Variants in P4HTM observed in about 807,000 individuals in gnomAD.
The protein encoded by P4HTM is prolyl 4-hydroxylase, transmembrane.
P4HTM carries 33 observed loss-of-function variants against 55.3 expected under a neutral mutation model. That is an observed-to-expected ratio of 0.60 (90% CI 0.45 to 0.80). The LOEUF is 0.80. Ranked by LOEUF, P4HTM falls within the 30% of genes least tolerant of loss-of-function variation. The pLI is 0.00. For missense variants in P4HTM, 542 were observed against 696.5 expected (o/e 0.78, Z 2.50); for synonymous variants, 272 against 286.4 (o/e 0.95, Z 0.51).
rs1576607804 is a variant in P4HTM, at chr3:49,003,887, G to A, written c.725-211G>A. On this transcript the variant is annotated intron_variant, in intron 4 of 8. Coordinates refer to ENST00000383729, the MANE Select transcript of P4HTM (RefSeq NM_177939.3). Reference sequence around the variant, plus strand: ...CAAATTAGGGCTTAAACTGAGAAAAGGAACTGCTCTGGGTCTTCCTGTAAG... The same window carrying A: ...CAAATTAGGGCTTAAACTGAGAAAAAGAACTGCTCTGGGTCTTCCTGTAAG... The A allele has an allele frequency of 5.6e-6, 3 of 533,866 alleles. No individual in the cohort carries two copies. The East Asian group carries it at 9.8e-5, about 17-fold the overall frequency. 33.1% of individuals were successfully genotyped at this position (533,866 alleles called of 1,614,324 possible). A position where few individuals can be genotyped will look rare whatever the true frequency, so the allele number is the denominator to read the frequency against.
rs139516456 is a variant in P4HTM at position 49,002,586 on chromosome 3, T to C, written c.714T>C (p.Pro238=). The change falls in exon 4 of 9, where the codon CCT becomes CCC. Residue 238 remains proline, a synonymous_variant. Transcript: ENST00000383729. This position sits in a 1 kb window ranked among gnomAD's most constrained non-coding sequence, Gnocchi z 4.4. ...QEMYAAIKAD[P]DGDGVLSLQE... Reference sequence around the variant, plus strand: ...TGTACGCCGCGATCAAGGCTGACCCTGATGGTGACGGTGAGCTCACACCTC... The same window carrying C: ...TGTACGCCGCGATCAAGGCTGACCCCGATGGTGACGGTGAGCTCACACCTC... 1.2e-4 allele frequency: 198 copies of C among 1,611,806 alleles called. No individual in the cohort carries two copies. Among genetic ancestry groups the C allele is most frequent in the Middle Eastern group, 1.6e-4 (1 of 6,078 alleles).
chr3:48,995,904 G>A (rs2092944176), intron 2 of P4HTM, among the ~76,000 whole-genome samples: 1 of 152,164 alleles, frequency 6.6e-6, no homozygotes, highest in Non-Finnish European at 1.5e-5. Context: ...ATTCTTGGCT[G>A]GCTGGAGGAG....
intron 2 of P4HTM, chr3:49,001,028 T>G: frequency 3.5e-6 from 1 of 284,738 alleles, no homozygotes; most frequent in Non-Finnish European, 6.9e-6. Flanking sequence ...TGCTGAAAAG[T>G]TAAAATGAAA....
rs752137460 is a variant in P4HTM at position 49,006,928 on chromosome 3, C to G, written c.*21C>G. 1 of 1,592,562 alleles carries G rather than the reference C, an allele frequency of 6.3e-7. No homozygotes were observed. Among genetic ancestry groups the G allele is most frequent in the Non-Finnish European group, 8.6e-7 (1 of 1,167,034 alleles). Reference sequence around the variant, plus strand: ...TCTGAGGGAAGAGTTAGCCCCGGTTCCCAGCCGCGGGTCGCCAGTTGCCCA... The same window carrying G: ...TCTGAGGGAAGAGTTAGCCCCGGTTGCCAGCCGCGGGTCGCCAGTTGCCCA... On this transcript the variant is annotated 3_prime_UTR_variant, in exon 9 of 9. Coordinates refer to ENST00000383729, the MANE Select transcript of P4HTM (RefSeq NM_177939.3).
Position 49,004,098 on chromosome 3 carries a change from G to A in P4HTM, c.725G>A (p.Gly242Glu). Residue 242 changes from glycine to glutamate, a missense_variant and splice_region_variant, in exon 5 of 9, where the codon GGA (glycine) becomes GAA (glutamate). Physicochemically the swap from Gly to Glu is moderately conservative, Grantham distance 98. Around this residue, in one of 2 missense-constraint regions of P4HTM, gnomAD observed 536 missense variants for 672.1 expected, o/e 0.80. Coordinates refer to ENST00000383729, the MANE Select transcript of P4HTM (RefSeq NM_177939.3). ...AAIKADPDGD[G>E]VLSLQEFSNM... ...CATTGATGGTGGGTGCCCTGTGCAG[G>A]AGTGCTGAGTCTGCAGGAGTTCTCC... The A allele has an allele frequency of 6.4e-7, 1 of 1,556,652 alleles. No individual in the cohort carries two copies. Among genetic ancestry groups the A allele is most frequent in the East Asian group, 2.4e-5 (1 of 41,332 alleles).
At chr3:48,992,960 C>A (rs1421800248) in intron 2 of P4HTM, among the ~76,000 whole-genome samples, 1 of 151,966 alleles carries the variant, frequency 6.6e-6, no homozygotes, top group East Asian at 2.0e-4. Context: ...AACCACCATG[C>A]CTGGCTGGAA....
chr3:48,992,725 G>T (rs1460070069), intron 2 of P4HTM, among the ~76,000 whole-genome samples: 1 of 135,810 alleles, frequency 7.4e-6, no homozygotes, highest in Non-Finnish European at 1.5e-5. Context: ...GAATGCAATG[G>T]TATGATCTCA....
chr3:49,001,327 G>C (rs553374717), intron 2 of P4HTM, 111 bp from the exon 3 acceptor site: 1 of 913,750 alleles, frequency 1.1e-6, no homozygotes, highest in African/African-American at 1.6e-5. Context: ...CTCCAGACCT[G>C]GTGGCCACTG....
Position 49,002,839 on chromosome 3 carries a change from A to G in P4HTM, c.724+243A>G, listed in dbSNP as rs953839401. On this transcript the variant is annotated intron_variant, in intron 4 of 8. Coordinates refer to ENST00000383729, the MANE Select transcript of P4HTM (RefSeq NM_177939.3). This position sits in a 1 kb window ranked among gnomAD's most constrained non-coding sequence, Gnocchi z 4.4. ...AGGGCAGTTCTTGGAGACCCTTTTG[A>G]TAACATCAGGCAGAGTTGAGAGCCT... The G allele has an allele frequency of 5.2e-5, 31 of 592,332 alleles. No homozygotes were observed. Among genetic ancestry groups the G allele is most frequent in the East Asian group, 5.0e-4 (16 of 32,012 alleles). The allele number at this position is 592,332 out of a possible 1,614,324, so 36.7% of individuals were successfully genotyped here.
Position 49,005,011 on chromosome 3 carries a change from A to G in P4HTM, c.1038A>G (p.Val346=). 1 of 1,614,130 alleles carries G rather than the reference A, an allele frequency of 6.2e-7. No homozygotes were observed. The highest frequency in any genetic ancestry group is 2.2e-5 in the East Asian group (1 of 44,886). ...CCATCTGCTCCCATACCAAGCTGGT[A>G]GCCAACGAGTCTGTACCCTTCGAGA... is the stretch of plus-strand genomic sequence containing the variant. ...PETICSHTKL[V]ANESVPFETS... The change falls in exon 6 of 9, where the codon GTA becomes GTG. Residue 346 remains valine (V), a synonymous_variant. Transcript: ENST00000383729.
At chr3:49,004,477 T>G (rs563696292) in intron 5 of P4HTM, 1 of 578,462 alleles carries the variant, frequency 1.7e-6, no homozygotes, top group African/African-American at 1.9e-5. Context: ...TGGGGTTAGA[T>G]AGAGATTGAG....
chr3:49,004,775 TG>T (rs2092971452), intron 5 of P4HTM, 85 bp from the exon 6 acceptor site: 2 of 1,405,178 alleles, frequency 1.4e-6, no homozygotes, highest in Admixed American at 1.9e-5. Flanking sequence ...GCAAAGCTTG[TG>T]GCAGGCCTAG....
At chr3:49,005,258 ACACAGACTGATGTACC>A (rs1210454648) in intron 6 of P4HTM, 11 of 1,491,324 alleles carry the variant, frequency 7.4e-6, no homozygotes, top group Non-Finnish European at 9.8e-6. Context: ...ACTGGAGTCA[ACACAGACTGATGTACC>A]CACAGACACC....
intron 2 of P4HTM, chr3:48,991,206 T>G (rs2092930321): frequency 2.7e-6 from 1 of 369,130 alleles, no homozygotes; most frequent in Admixed American, 4.0e-5. Context: ...TTCTGTCACC[T>G]TCTAGAACTG....
intron 2 of P4HTM, among the ~76,000 whole-genome samples, chr3:48,995,324 T>C (rs1264766487): frequency 6.6e-6 from 1 of 152,194 alleles, no homozygotes; most frequent in African/African-American, 2.4e-5. Flanking sequence ...CCACAGAGCG[T>C]GCCTTCAGCT....
At chr3:48,991,785 T>C (rs2092931950) in intron 2 of P4HTM, 1 of 152,254 alleles carries the variant, frequency 6.6e-6, no homozygotes, top group African/African-American at 2.4e-5. Context: ...CCTAGTCCCA[T>C]GGACATTGTC....
At chr3:48,992,710 GGCTGGAAT>G (rs2092934380) in intron 2 of P4HTM, among the ~76,000 whole-genome samples, 1 of 147,086 alleles carries the variant, frequency 6.8e-6, no homozygotes, top group African/African-American at 2.5e-5. Context: ...TTGTTGTCCA[GGCTGGAAT>G]GCAATGGTAT....
rs1277493147 is a variant in P4HTM at position 49,005,045 on chromosome 3, C to T, written c.1072C>T (p.Arg358Cys). 5.0e-6 allele frequency: 8 copies of T among 1,613,914 alleles called. No individual in the cohort carries two copies. The Admixed American group carries it at 5.0e-5, about 10-fold the overall frequency. Reference protein sequence around the residue: ...NESVPFETSCRYMTVLFYLNN... With the variant: ...NESVPFETSCCYMTVLFYLNN... ...GTCTGTACCCTTCGAGACCTCCTGC[C>T]GGCAAGTATCTCCCAACTGGGGGCT... Residue 358 changes from arginine (R) to cysteine (C), a missense_variant and splice_region_variant, in exon 6 of 9, where the codon CGC becomes TGC. Coordinates refer to ENST00000383729, the MANE Select transcript of P4HTM (RefSeq NM_177939.3).
At chr3:49,006,571 G>C (rs2092982699) in intron 8 of P4HTM, 116 bp from the exon 9 acceptor site, 1 of 795,688 alleles carries the variant, frequency 1.3e-6, no homozygotes, top group Non-Finnish European at 2.1e-6. Context: ...TTTAGGTCTG[G>C]GTGTTTGCTA....
Sources: allele counts gnomAD v4.1 joint callset (sites outside exome capture counted in the v4.1 genomes callset), GRCh38; gene constraint gnomAD v4.1.1; regional missense constraint gnomAD v4.1.1; non-coding constraint Gnocchi (gnomAD v3.1); transcripts MANE v1.5; gene names NCBI Gene and HGNC (gene_info 2026-07-23, HGNC 2026-07-21).